The following GCKR variants were observed in gnomAD, a reference collection of about 807,000 sequenced individuals.
The protein encoded by GCKR is glucokinase regulator.
Under a neutral mutation model 82.9 loss-of-function variants are expected in GCKR, and 73 were observed. The observed-to-expected ratio is 0.88, with a 90% CI of 0.73 to 1.07. The LOEUF (loss-of-function observed/expected upper bound fraction) is 1.07. Among genes scored for constraint, GCKR ranks in the 50% least tolerant of loss-of-function variants. The pLI, the probability that GCKR is intolerant of heterozygous loss-of-function variation, is 0.00. For synonymous variants in GCKR, 294 were observed against 291.8 expected, an observed-to-expected ratio of 1.01 and a Z score of -0.08; for missense variants, 784 against 782.1, an observed-to-expected ratio of 1.00 and a Z score of -0.03.
In GCKR at chr2:27,507,740, G is replaced by A. The variant is rs149406755; in HGVS notation, c.1203G>A (p.Thr401=). ...TGACTTCCATCCTTCCCTCTCTCAC[G>A]GAAATCGATACTGTGGTCTTCATTT... is the stretch of plus-strand genomic sequence containing the variant. ...DFLTSILPSL[T]EIDTVVFIFT... is the part of the protein sequence containing the mutation. Residue 401 remains threonine, a synonymous_variant, in exon 14 of 19, where the codon ACG becomes ACA. Transcript: ENST00000264717. 4.8e-5 allele frequency: 77 copies of A among 1,608,274 alleles called. No individual in the cohort carries two copies. In the African/African-American group the frequency reaches 6.7e-4, roughly 14 times the overall value.
rs767771940 is a variant in GCKR, at chr2:27,523,358, G to C, written c.1797G>C (p.Glu599Asp). The C allele has an allele frequency of 6.2e-7, 1 of 1,612,730 alleles. No individual in the cohort carries two copies. The highest frequency in any genetic ancestry group is 1.1e-5 in the South Asian group (1 of 91,082). ...AHLAAAPSVC[E>D]AVRSALAGPG... is the part of the protein sequence containing the mutation. ...TGGCTGCAGCTCCTTCTGTCTGTGA[G>C]GCTGTCAGGAGTGCTCTTGCTGGGC... The change falls in exon 19 of 19, where the codon GAG becomes GAC. Residue 599 changes from glutamate (E) to aspartate (D), a missense_variant. Glu to Asp is a conservative substitution (Grantham distance 45, BLOSUM62 2). Coordinates refer to ENST00000264717, the MANE Select transcript of GCKR (RefSeq NM_001486.4).
chr2:27,501,465 T>C (rs1248405691), intron 8 of GCKR, among the ~76,000 whole-genome samples: 2 of 152,236 alleles, frequency 1.3e-5, no homozygotes, highest in Admixed American at 6.5e-5. Context: ...GCATAAAATA[T>C]AAGATAGCAT....
Position 27,510,627 on chromosome 2 carries a change from G to C in GCKR, c.1422+2376G>C, listed in dbSNP as rs138961834. Among the ~76,000 whole-genome samples the C allele has an allele frequency of 4.5e-4, 68 of 152,248 alleles. 1 individual carries two copies. The East Asian group carries it at 0.012, about 27-fold the overall frequency. ...CTTACACCCTTATACATACTGGATA[G>C]CATCCTTATAAAAAAATCTTTGCTA... On this transcript the variant is annotated intron_variant, in intron 16 of 18. Transcript: ENST00000264717.
At chr2:27,499,516 A>G (rs1669521429) in intron 7 of GCKR, 66 bp downstream of exon 7, 4 of 1,100,210 alleles carry the variant, frequency 3.6e-6, no homozygotes, top group Non-Finnish European at 5.6e-6. Context: ...ATGGAATAGC[A>G]TGGAAGATAG....
chr2:27,508,099 G>A (rs759273033), intron 15 of GCKR, 25 bp downstream of exon 15: 31 of 1,591,752 alleles, frequency 1.9e-5, no homozygotes, highest in East Asian at 1.6e-4. Context: ...GTGACAAAGG[G>A]ACCCAGGTGG....
chr2:27,521,899 T>C (rs1381364810), intron 17 of GCKR, among the ~76,000 whole-genome samples: 3 of 151,952 alleles, frequency 2.0e-5, no homozygotes, highest in Admixed American at 2.0e-4. Flanking sequence ...ATTTGTTTTA[T>C]TTTTTGTAGA....
At position 27,498,310 on chromosome 2, in the gene GCKR, C is replaced by T; in HGVS notation, c.341C>T (p.Ala114Val). 6.2e-7 allele frequency: 1 copy of T among 1,612,788 alleles called. No individual in the cohort carries two copies. The highest frequency in any genetic ancestry group is 8.5e-7 in the Non-Finnish European group (1 of 1,178,794). Residue 114 changes from alanine (A) to valine (V), a missense_variant, in exon 4 of 19, where the codon GCA becomes GTA. Ala to Val is a moderately conservative substitution (Grantham distance 64). Coordinates refer to ENST00000264717, the MANE Select transcript of GCKR (RefSeq NM_001486.4). ...LSGGGTSGRM[A>V]FLMSVSFNQL... ...GGAGGGGGCACCTCTGGCCGGATGGCATTCCTCATGTCGGTGAGCACCCTG... is the reference window on the plus strand; with the variant it reads ...GGAGGGGGCACCTCTGGCCGGATGGTATTCCTCATGTCGGTGAGCACCCTG...
At chr2:27,521,063 A>T (rs887437588) in intron 17 of GCKR, among the ~76,000 whole-genome samples, 22 of 151,952 alleles carry the variant, frequency 1.4e-4, no homozygotes, top group Non-Finnish European at 2.6e-4. Flanking sequence ...AATTAAAATT[A>T]AAAAAAGCCA....
At chr2:27,519,407 T>C (rs1170397549) in intron 17 of GCKR, among the ~76,000 whole-genome samples, 1 of 152,032 alleles carries the variant, frequency 6.6e-6, no homozygotes, top group Non-Finnish European at 1.5e-5. Context: ...GTTCCATTGA[T>C]TCTCCTGCCT....
At chr2:27,515,650 C>A (rs904454149) in intron 16 of GCKR, among the ~76,000 whole-genome samples, 15 of 151,606 alleles carry the variant, frequency 9.9e-5, no homozygotes, top group African/African-American at 3.6e-4. Context: ...CTTTTTTAAA[C>A]ACTTAGATCT....
intron 9 of GCKR, among the ~76,000 whole-genome samples, chr2:27,505,421 A>AG (rs1476876060): frequency 6.7e-6 from 1 of 149,576 alleles, no homozygotes; most frequent in African/African-American, 2.5e-5. Context: ...AAAAAAAAAG[A>AG]AAAAAAAAGA....
chr2:27,498,807 G>A lies in GCKR; in HGVS notation c.428+10G>A. On this transcript the variant is annotated intron_variant, in intron 5 of 18. Transcript: ENST00000264717. The stretch of plus-strand genomic sequence containing the variant: ...TTGCAGGTGGTGACAGGTAAGCCAA[G>A]TTAGCCTATGAATATTTTGTTTGAC... 6.6e-7 allele frequency: 1 copy of A among 1,515,172 alleles called. No individual in the cohort carries two copies. The highest frequency in any genetic ancestry group is 1.4e-5 in the African/African-American group (1 of 73,124). The allele number at this position is 1,515,172 out of a possible 1,614,324, so 93.9% of individuals were successfully genotyped here.
At chr2:27,498,430 C>G (rs919403389) in intron 4 of GCKR, 107 bp downstream of exon 4, 20 of 826,240 alleles carry the variant, frequency 2.4e-5, no homozygotes, top group African/African-American at 2.2e-4. Flanking sequence ...CTCACTAGAC[C>G]TGGACTCCAA....
rs1309911024 is a variant in GCKR, at chr2:27,507,790, A to G, written c.1240+13A>G. The G allele has an allele frequency of 1.4e-6, 2 of 1,463,044 alleles. No homozygotes were observed. Among genetic ancestry groups the G allele is most frequent in the Admixed American group, 1.7e-5 (1 of 59,812 alleles). The allele number at this position is 1,463,044 out of a possible 1,614,324, so 90.6% of individuals were successfully genotyped here. On this transcript the variant is annotated intron_variant, in intron 14 of 18. Coordinates refer to ENST00000264717, the MANE Select transcript of GCKR (RefSeq NM_001486.4). Reference sequence around the variant, plus strand: ...TTCACCCTGGATGGTGAGAGGGAAGATGGGAGTGGTGAGGGGTGGGGAGGG... The same window carrying G: ...TTCACCCTGGATGGTGAGAGGGAAGGTGGGAGTGGTGAGGGGTGGGGAGGG...
At position 27,497,548 on chromosome 2, in the gene GCKR, C is replaced by T. The variant is rs1298693985; in HGVS notation, c.217-14C>T. Reference sequence around the variant, plus strand: ...TCCTTTTCTTGGCTTCTCATTCCTGCATATTCCCTACAGAGACTCTACAGC... The same window carrying T: ...TCCTTTTCTTGGCTTCTCATTCCTGTATATTCCCTACAGAGACTCTACAGC... On this transcript the variant is annotated splice_polypyrimidine_tract_variant and intron_variant, in intron 2 of 18. Coordinates refer to ENST00000264717, the MANE Select transcript of GCKR (RefSeq NM_001486.4). 3 of 1,605,214 alleles carry T rather than the reference C, an allele frequency of 1.9e-6. No homozygotes were observed. The highest frequency in any genetic ancestry group is 2.6e-6 in the Non-Finnish European group (3 of 1,171,932).
chr2:27,498,803 C>T lies in GCKR; in HGVS notation c.428+6C>T, dbSNP rs368953418. 231 of 1,537,234 alleles carry T rather than the reference C, an allele frequency of 1.5e-4. No homozygotes were observed. In the African/African-American group the frequency reaches 2.8e-3, roughly 19 times the overall value. On this transcript the variant is annotated splice_donor_region_variant and intron_variant, in intron 5 of 18. Transcript: ENST00000264717. ...CTCATTGCAGGTGGTGACAGGTAAG[C>T]CAAGTTAGCCTATGAATATTTTGTT...
chr2:27,506,451 C>T (rs747935119), intron 10 of GCKR, 30 bp from the exon 11 acceptor site: 24 of 1,482,578 alleles, frequency 1.6e-5, no homozygotes, highest in Non-Finnish European at 2.1e-5. Context: ...GAATTGGGCC[C>T]TTCTTGAGAG....
In GCKR at chr2:27,523,171, T is replaced by G. The variant is rs1244659263; in HGVS notation, c.1708-98T>G. The G allele has an allele frequency of 3.0e-6, 3 of 984,480 alleles. No individual in the cohort carries two copies. In the African/African-American group the frequency reaches 4.8e-5, roughly 16 times the overall value. 61.0% of individuals were successfully genotyped at this position (984,480 alleles called of 1,614,324 possible). On this transcript the variant is annotated intron_variant, in intron 18 of 18. Transcript: ENST00000264717. ...ACCTCGGCCTCCCAAAGTGCTGGGA[T>G]TACAGGCGTGAGCCACTGCGCCCGA... is the stretch of plus-strand genomic sequence containing the variant.
At chr2:27,522,636 G>A in intron 18 of GCKR, 42 bp downstream of exon 18, 2 of 1,539,010 alleles carry the variant, frequency 1.3e-6, no homozygotes, top group Non-Finnish European at 1.8e-6. Context: ...TACTTTTTGA[G>A]TACTTTCAGT....
Sources: allele counts gnomAD v4.1 joint callset (sites outside exome capture counted in the v4.1 genomes callset), GRCh38; gene constraint gnomAD v4.1.1; transcripts MANE v1.5; gene names NCBI Gene and HGNC (gene_info 2026-07-23, HGNC 2026-07-21).